SEC24B: variants seen among roughly 807,000 people sequenced by gnomAD.
The protein encoded by SEC24B is SEC24 homolog B, COPII component.
A neutral mutation model predicts 142.8 loss-of-function variants in SEC24B; 45 were observed. The ratio of observed to expected loss-of-function variants is 0.32; its 90% CI spans 0.25 to 0.40. The LOEUF (loss-of-function observed/expected upper bound fraction) is 0.40. Among genes scored for constraint, SEC24B ranks in the 10% least tolerant of loss-of-function variants. The pLI, the probability that SEC24B is intolerant of heterozygous loss-of-function variation, is 1.00. For synonymous variants in SEC24B, 574 were observed against 568.2 expected (o/e 1.01, Z -0.15); for missense variants, 1,409 against 1,526.8 (o/e 0.92, Z 1.29).
intron 1 of SEC24B, among the ~76,000 whole-genome samples, chr4:109,447,322 T>A (rs1729571116): frequency 7.7e-6 from 1 of 130,250 alleles, no homozygotes; most frequent in Non-Finnish European, 1.7e-5. Context: ...GAATTACACT[T>A]TGAACACTTG....
chr4:109,532,530 A>G (rs1257278560), intron 20 of SEC24B, 109 bp from the exon 21 acceptor site: 9 of 759,536 alleles, frequency 1.2e-5, no homozygotes, highest in Middle Eastern at 3.5e-4. Context: ...ATCATGCAAA[A>G]CTCCCAAGTG....
intron 2 of SEC24B, among the ~76,000 whole-genome samples, chr4:109,464,336 G>A (rs112183092): frequency 4.7e-4 from 71 of 150,366 alleles, no homozygotes; most frequent in African/African-American, 1.7e-3. Flanking sequence ...TTATCACCCA[G>A]GCTGGGCATG....
intron 3 of SEC24B, among the ~76,000 whole-genome samples, chr4:109,480,788 A>T (rs1733661649): frequency 1.3e-5 from 2 of 152,168 alleles, no homozygotes; most frequent in African/African-American, 2.4e-5. Context: ...CTTCATTTTC[A>T]ATTAAGATAA....
chr4:109,483,196 T>C (rs1251018846), intron 4 of SEC24B, among the ~76,000 whole-genome samples: 2 of 150,174 alleles, frequency 1.3e-5, no homozygotes, highest in Non-Finnish European at 3.0e-5. Flanking sequence ...TCTCCTGCCT[T>C]AGCCTCCCGA....
intron 13 of SEC24B, 114 bp downstream of exon 13, chr4:109,521,286 A>C: frequency 1.0e-6 from 1 of 957,842 alleles, no homozygotes; most frequent in Non-Finnish European, 1.6e-6. Context: ...AGACAATATA[A>C]ATGGCATATC....
chr4:109,449,057 C>T (rs1179599105), intron 1 of SEC24B, among the ~76,000 whole-genome samples: 3 of 151,490 alleles, frequency 2.0e-5, no homozygotes, highest in Non-Finnish European at 4.4e-5. Flanking sequence ...ATGAATTTTT[C>T]GTAAGAATAC....
chr4:109,448,991 GTA>G (rs1729770659), intron 1 of SEC24B, among the ~76,000 whole-genome samples: 1 of 146,238 alleles, frequency 6.8e-6, no homozygotes, highest in Admixed American at 6.9e-5. Context: ...TGGGTATTTT[GTA>G]GACAGTTCCT....
rs1736705594 is a variant in SEC24B, at chr4:109,506,484, G to C, written c.1645G>C (p.Asp549His). 6.3e-7 allele frequency: 1 copy of C among 1,580,004 alleles called. No individual in the cohort carries two copies. The highest frequency in any genetic ancestry group is 8.6e-7 in the Non-Finnish European group (1 of 1,165,440). ...VWAPVPNLNA[D>H]LKKLNCSPDS... ...GGCTCCTGTACCTAACTTGAATGCAGACCTCAAAAAATTAAACTGTAGCCC... is the reference window on the plus strand; with the variant it reads ...GGCTCCTGTACCTAACTTGAATGCACACCTCAAAAAATTAAACTGTAGCCC... Residue 549 changes from aspartate (D) to histidine (H), a missense_variant, in exon 7 of 24, where the codon GAC (aspartate) becomes CAC (histidine). This residue lies in a region of SEC24B where 709 missense variants were observed against 673.5 expected (regional missense o/e 1.05). Transcript: ENST00000265175.
At chr4:109,515,743 A>G (rs1360786975) in intron 10 of SEC24B, among the ~76,000 whole-genome samples, 1 of 152,134 alleles carries the variant, frequency 6.6e-6, no homozygotes, top group Non-Finnish European at 1.5e-5. Context: ...GGACTTTTCA[A>G]AGAATGTATT....
At chr4:109,539,134 G>A (rs1024229103) in intron 23 of SEC24B, among the ~76,000 whole-genome samples, 3 of 151,914 alleles carry the variant, frequency 2.0e-5, no homozygotes, top group South Asian at 2.1e-4. Context: ...GCTAATTTTT[G>A]TATTTTTAGT....
intron 4 of SEC24B, among the ~76,000 whole-genome samples, chr4:109,488,432 A>T (rs1000917498): frequency 2.8e-4 from 43 of 152,170 alleles, no homozygotes; most frequent in African/African-American, 1.0e-3. Context: ...ACATTATGGC[A>T]TATGTCAGTA....
At chr4:109,520,838 C>G (rs1200779252) in intron 12 of SEC24B, among the ~76,000 whole-genome samples, 2 of 151,986 alleles carry the variant, frequency 1.3e-5, no homozygotes, top group Non-Finnish European at 2.9e-5. Flanking sequence ...GCTAAAAATG[C>G]AAAATTAGCT....
rs1051708616 is a variant in SEC24B, at chr4:109,494,496, A to T, written c.1247-119A>T. 4 of 1,314,434 alleles carry T rather than the reference A, an allele frequency of 3.0e-6. No homozygotes were observed. In the Admixed American group the frequency reaches 6.6e-5, roughly 22 times the overall value. 81.4% of individuals were successfully genotyped at this position (1,314,434 alleles called of 1,614,324 possible). ...ACTTTGTGTGTGTCCAAAATTTCTT[A>T]GAATAAAAAGCTTTAAAAAGTAAAA... On this transcript the variant is annotated intron_variant, in intron 5 of 23. Coordinates refer to ENST00000265175, the MANE Select transcript of SEC24B (RefSeq NM_006323.5).
Position 109,463,619 on chromosome 4 carries a change from A to G in SEC24B, c.852A>G (p.Val284=). ...LIRNHTGSLA[V]ANNNPTITVA... is the part of the protein sequence containing the mutation. ...GAAACCACACAGGATCCCTGGCTGTAGCGAACAACAACCCAACCATTACTG... is the reference window on the plus strand; with the variant it reads ...GAAACCACACAGGATCCCTGGCTGTGGCGAACAACAACCCAACCATTACTG... The change falls in exon 2 of 24, where the codon GTA becomes GTG. Residue 284 remains valine, a synonymous_variant. Coordinates refer to ENST00000265175, the MANE Select transcript of SEC24B (RefSeq NM_006323.5). 6.2e-7 allele frequency: 1 copy of G among 1,613,622 alleles called. No individual in the cohort carries two copies. Among genetic ancestry groups the G allele is most frequent in the Non-Finnish European group, 8.5e-7 (1 of 1,179,576 alleles).
intron 1 of SEC24B, among the ~76,000 whole-genome samples, chr4:109,454,539 AAAAAAAAAAAAAG>A (rs1730461496): frequency 8.6e-6 from 1 of 115,610 alleles, no homozygotes; most frequent in Non-Finnish European, 1.6e-5. Context: ...TTCTGTCTCC[AAAAAAAAAAAAAG>A]AAAGAAAAAT....
At chr4:109,467,141 A>G (rs867542814) in intron 2 of SEC24B, among the ~76,000 whole-genome samples, 1 of 151,646 alleles carries the variant, frequency 6.6e-6, no homozygotes, top group Non-Finnish European at 1.5e-5. Context: ...CCTGGCTAAC[A>G]CGGTGAAACC....
At position 109,463,570 on chromosome 4, in the gene SEC24B, C is replaced by T. The variant is rs1264731961; in HGVS notation, c.803C>T (p.Pro268Leu). Residue 268 changes from proline to leucine, a missense_variant, in exon 2 of 24, where the codon CCA (proline) becomes CTA (leucine). Pro to Leu is a moderately conservative substitution (Grantham distance 98, BLOSUM62 -3). This residue lies in a region of SEC24B where 709 missense variants were observed against 673.5 expected (regional missense o/e 1.05). Transcript: ENST00000265175. ...STLTWSSPGLPSTQDNLIRNH... is the reference protein window; with the variant it reads ...STLTWSSPGLLSTQDNLIRNH... ...CTAACGTGGTCATCTCCAGGCCTTC[C>T]ATCGACTCAAGACAATCTCATCCGA... 2 of 1,614,066 alleles carry T rather than the reference C, an allele frequency of 1.2e-6. No homozygotes were observed. Among genetic ancestry groups the T allele is most frequent in the African/African-American group, 1.3e-5 (1 of 74,922 alleles).
chr4:109,519,255 A>G (rs1047317732), intron 11 of SEC24B, among the ~76,000 whole-genome samples: 2 of 152,204 alleles, frequency 1.3e-5, no homozygotes, highest in Admixed American at 1.3e-4. Flanking sequence ...CCTTGTATGG[A>G]AAAGTATGAT....
intron 1 of SEC24B, among the ~76,000 whole-genome samples, chr4:109,461,280 G>A (rs1224203739): frequency 2.0e-5 from 3 of 152,126 alleles, no homozygotes; most frequent in East Asian, 1.9e-4. Flanking sequence ...CATTATTGAT[G>A]GGAGGTATAA....
Sources: allele counts gnomAD v4.1 joint callset (sites outside exome capture counted in the v4.1 genomes callset), GRCh38; gene constraint gnomAD v4.1.1; regional missense constraint gnomAD v4.1.1; transcripts MANE v1.5; gene names NCBI Gene and HGNC (gene_info 2026-07-23, HGNC 2026-07-21).